The following PLEKHA7 variants were observed in gnomAD, a reference collection of about 807,000 sequenced individuals.
PLEKHA7 encodes pleckstrin homology domain containing A7.
A neutral mutation model predicts 170.0 loss-of-function variants in PLEKHA7; 104 were observed. That is an observed-to-expected ratio of 0.61 (90% confidence interval 0.52 to 0.72). PLEKHA7 has a LOEUF of 0.72. Among genes scored for constraint, PLEKHA7 ranks in the 30% least tolerant of loss-of-function variants. PLEKHA7 has a pLI of 0.00. For missense variants in PLEKHA7, 1,615 were observed against 1,671.7 expected (o/e 0.97, Z 0.59); for synonymous variants, 648 against 660.8 (o/e 0.98, Z 0.30).
chr11:16,969,169 C>T (rs1174694332), intron 3 of PLEKHA7, among the ~76,000 whole-genome samples: 1 of 152,164 alleles, frequency 6.6e-6, no homozygotes, highest in Non-Finnish European at 1.5e-5. Flanking sequence ...CCATCCCCGC[C>T]ACTCCCAAAT....
chr11:16,906,978 T>C (rs7481389), intron 3 of PLEKHA7, among the ~76,000 whole-genome samples: 2 of 141,586 alleles, frequency 1.4e-5, no homozygotes, highest in Admixed American at 7.0e-5. Context: ...CCGGCCGCCC[T>C]GTCTGAGAAG....
Position 16,802,991 on chromosome 11 carries a change from C to T in PLEKHA7, c.2138G>A (p.Arg713Gln), listed in dbSNP as rs775992995. ...ACGTACTTTGTTCTCTTTAAGGGCT[C>T]GTATCTTGTCTTCCAAGTCCTGGAG... ...RVLQDLEDKIRALKENKDQLE... is the reference protein window; with the variant it reads ...RVLQDLEDKIQALKENKDQLE... The change falls in exon 15 of 27, where the codon CGA (arginine) becomes CAA (glutamine). Residue 713 changes from arginine (R) to glutamine (Q), a missense_variant. Arg to Gln is a conservative substitution (Grantham distance 43, BLOSUM62 1). Coordinates refer to ENST00000531066, the MANE Select transcript of PLEKHA7 (RefSeq NM_001329630.2). The T allele has an allele frequency of 8.7e-6, 14 of 1,613,330 alleles. No homozygotes were observed. The highest frequency in any genetic ancestry group is 6.7e-5 in the East Asian group (3 of 44,902).
chr11:16,919,955 T>G (rs758409011), intron 3 of PLEKHA7, among the ~76,000 whole-genome samples: 2 of 152,154 alleles, frequency 1.3e-5, no homozygotes, highest in African/African-American at 2.4e-5. Context: ...CCGTTTTTCA[T>G]AACAGAGGAC....
intron 3 of PLEKHA7, among the ~76,000 whole-genome samples, chr11:16,902,752 T>C (rs1376454405): frequency 1.3e-5 from 2 of 152,232 alleles, no homozygotes; most frequent in Non-Finnish European, 2.9e-5. Flanking sequence ...TAACTTTTAT[T>C]AGCTTCAGGT....
At position 16,817,392 on chromosome 11, in the gene PLEKHA7, A is replaced by C; in HGVS notation, c.1344-70T>G. ...TCTGCAGGCTTTGGGGAACATATCT[A>C]AGTAAACCCACAAAGCTGGGCATGT... On this transcript the variant is annotated intron_variant, in intron 10 of 26. Coordinates refer to ENST00000531066, the MANE Select transcript of PLEKHA7 (RefSeq NM_001329630.2). The surrounding 1 kb of genome is among the most constrained non-coding windows in gnomAD (Gnocchi z 4.4). 6.9e-7 allele frequency: 1 copy of C among 1,445,594 alleles called. No individual in the cohort carries two copies. The highest frequency in any genetic ancestry group is 9.3e-7 in the Non-Finnish European group (1 of 1,074,904). The allele number at this position is 1,445,594 out of a possible 1,614,324, so 89.5% of individuals were successfully genotyped here.
In PLEKHA7 at chr11:16,791,934, C is replaced by T. The variant is rs996562342; in HGVS notation, c.2746-735G>A. Among the ~76,000 whole-genome samples the T allele has an allele frequency of 1.3e-5, 2 of 152,180 alleles. No individual in the cohort carries two copies. The highest frequency in any genetic ancestry group is 6.5e-5 in the Admixed American group (1 of 15,282). ...CCCCTGGTTGCCATGAACACCCACT[C>T]GCAGGACTAACGACCATCATGCCTT... On this transcript the variant is annotated intron_variant, in intron 19 of 26. Coordinates refer to ENST00000531066, the MANE Select transcript of PLEKHA7 (RefSeq NM_001329630.2). This position sits in a 1 kb window ranked among gnomAD's most constrained non-coding sequence, Gnocchi z 4.5.
chr11:16,778,775 A>G lies in PLEKHA7; in HGVS notation c.*223T>C. 1.7e-6 allele frequency: 1 copy of G among 596,552 alleles called. No homozygotes were observed. The highest frequency in any genetic ancestry group is 2.9e-5 in the Admixed American group (1 of 34,380). 37.0% of individuals were successfully genotyped at this position (596,552 alleles called of 1,614,324 possible). A position where few individuals can be genotyped will look rare whatever the true frequency, so the allele number is the denominator to read the frequency against. On this transcript the variant is annotated 3_prime_UTR_variant, in exon 27 of 27. Transcript: ENST00000531066. The stretch of plus-strand genomic sequence containing the variant: ...ACAGTGTATTTTACAGTGTATATCA[A>G]AAGTGCCTTTGCCATTCATATGTAG...
chr11:16,919,499 A>ATC (rs1361004808), intron 3 of PLEKHA7, among the ~76,000 whole-genome samples: 3 of 151,946 alleles, frequency 2.0e-5, no homozygotes, highest in Admixed American at 1.3e-4. Context: ...ACATAGTGAG[A>ATC]TCTCACCTCT....
chr11:16,899,598 A>C (rs975705461), intron 3 of PLEKHA7, among the ~76,000 whole-genome samples: 1 of 152,186 alleles, frequency 6.6e-6, no homozygotes, highest in Admixed American at 6.5e-5. Context: ...TTCTCTGCCA[A>C]CTCAGTGTAG....
At chr11:16,883,281 C>T (rs1367131458) in intron 3 of PLEKHA7, among the ~76,000 whole-genome samples, 1 of 152,164 alleles carries the variant, frequency 6.6e-6, no homozygotes, top group Non-Finnish European at 1.5e-5. Flanking sequence ...ATGCGAGGAG[C>T]TTATTCATCA....
In PLEKHA7 at chr11:16,781,084, G is replaced by C. The variant is rs904559899; in HGVS notation, c.3793+1670C>G. 20 of 885,008 alleles carry C rather than the reference G, an allele frequency of 2.3e-5. No individual in the cohort carries two copies. The African/African-American group carries it at 3.4e-4, about 15-fold the overall frequency. 54.8% of individuals were successfully genotyped at this position (885,008 alleles called of 1,614,324 possible). A position where few individuals can be genotyped will look rare whatever the true frequency, so the allele number is the denominator to read the frequency against. On this transcript the variant is annotated intron_variant, in intron 26 of 26. Transcript: ENST00000531066. ...GGGGCACACAGGAATTAAGCGGTGT[G>C]TTAGACTCCTCATCAGCTCCTGCAG...
At chr11:16,805,525 C>T (rs1406456316) in intron 13 of PLEKHA7, among the ~76,000 whole-genome samples, 2 of 152,024 alleles carry the variant, frequency 1.3e-5, no homozygotes, top group Non-Finnish European at 1.5e-5. Context: ...GGCACGGTGG[C>T]TCACACCTGT....
chr11:16,910,042 A>T (rs1379268891), intron 3 of PLEKHA7, among the ~76,000 whole-genome samples: 1 of 152,152 alleles, frequency 6.6e-6, no homozygotes, highest in Non-Finnish European at 1.5e-5. Context: ...TTATGGGAAG[A>T]TGACAAGGAT....
chr11:16,787,080 T>C, intron 23 of PLEKHA7: 1 of 985,454 alleles, frequency 1.0e-6, no homozygotes, highest in African/African-American at 1.7e-5. Flanking sequence ...ATCAACTTTG[T>C]AACAAGCTTC....
At chr11:16,934,838 T>C (rs2136351480) in intron 3 of PLEKHA7, among the ~76,000 whole-genome samples, 1 of 152,326 alleles carries the variant, frequency 6.6e-6, no homozygotes, top group Middle Eastern at 3.4e-3. Flanking sequence ...GGGGAGGAAA[T>C]ATCCTAATTA....
intron 3 of PLEKHA7, among the ~76,000 whole-genome samples, chr11:16,921,411 A>G (rs528877802): frequency 6.6e-6 from 1 of 152,362 alleles, no homozygotes; most frequent in South Asian, 2.1e-4. Context: ...TCAGCCCCAC[A>G]GACCCTATGG....
chr11:16,950,548 G>C (rs1177048589), intron 3 of PLEKHA7, among the ~76,000 whole-genome samples: 1 of 149,322 alleles, frequency 6.7e-6, no homozygotes, highest in Non-Finnish European at 1.5e-5. Flanking sequence ...ATACAGAATA[G>C]AGTCCTGACT....
At chr11:16,805,530 A>G (rs1590176657) in intron 13 of PLEKHA7, among the ~76,000 whole-genome samples, 2 of 152,152 alleles carry the variant, frequency 1.3e-5, no homozygotes. Flanking sequence ...GGTGGCTCAC[A>G]CCTGTAATCC....
At chr11:16,899,454 G>T (rs904765688) in intron 3 of PLEKHA7, among the ~76,000 whole-genome samples, 1 of 152,172 alleles carries the variant, frequency 6.6e-6, no homozygotes, top group Non-Finnish European at 1.5e-5. Flanking sequence ...CTGAGATCAC[G>T]CCATTGCACT....
Sources: allele counts gnomAD v4.1 joint callset (sites outside exome capture counted in the v4.1 genomes callset), GRCh38; gene constraint gnomAD v4.1.1; non-coding constraint Gnocchi (gnomAD v3.1); transcripts MANE v1.5; gene names NCBI Gene and HGNC (gene_info 2026-07-23, HGNC 2026-07-21).